SMURF1: variants seen among roughly 807,000 people sequenced by gnomAD.
SMURF1 encodes E3 ubiquitin-protein ligase SMURF1.
A neutral mutation model predicts 98.0 loss-of-function variants in SMURF1; 44 were observed. The ratio of observed to expected loss-of-function variants is 0.45; its 90% CI spans 0.35 to 0.58. The LOEUF (loss-of-function observed/expected upper bound fraction) is 0.58. SMURF1 is among the 20% of genes least tolerant of loss of function. The pLI, the probability that SMURF1 is intolerant of heterozygous loss-of-function variation, is 0.00. For missense variants in SMURF1, 687 were observed against 938.4 expected, an observed-to-expected ratio of 0.73 and a Z score of 3.50; for synonymous variants, 396 against 374.9, an observed-to-expected ratio of 1.06 and a Z score of -0.65.
At chr7:99,033,162 A>G in intron 16 of SMURF1, 41 bp from the exon 17 acceptor site, 1 of 1,545,532 alleles carries the variant, frequency 6.5e-7, no homozygotes, top group East Asian at 2.4e-5. Flanking sequence ...TCAGAGTTAC[A>G]GCCGTGGCGC....
chr7:99,032,863 T>TTCAAC (rs1794962039), intron 17 of SMURF1, 174 bp downstream of exon 17: 1 of 892,732 alleles, frequency 1.1e-6, no homozygotes, highest in Admixed American at 2.3e-5. Context: ...AGAATTGTCA[T>TTCAAC]TCAACTCTAG....
intron 10 of SMURF1, among the ~76,000 whole-genome samples, chr7:99,047,370 G>C (rs1230241918): frequency 6.6e-6 from 1 of 152,188 alleles, no homozygotes; most frequent in Admixed American, 6.5e-5. Flanking sequence ...TTTAGTGCTA[G>C]TTTCTGTATA....
chr7:99,120,996 C>T (rs995968770), intron 1 of SMURF1: 1 of 151,170 alleles, frequency 6.6e-6, no homozygotes, highest in Non-Finnish European at 1.5e-5. Flanking sequence ...ATTTTCTTTA[C>T]AAGATTTCTA....
At chr7:99,106,584 C>A (rs774876036) in intron 1 of SMURF1, among the ~76,000 whole-genome samples, 6 of 152,186 alleles carry the variant, frequency 3.9e-5, no homozygotes, top group Non-Finnish European at 7.3e-5. Flanking sequence ...GTGCTAACTG[C>A]AAGCAAGTCA....
chr7:99,072,396 C>T (rs1453167456), intron 1 of SMURF1, among the ~76,000 whole-genome samples: 2 of 151,938 alleles, frequency 1.3e-5, no homozygotes, highest in African/African-American at 4.8e-5. Context: ...GGCTCACCAG[C>T]ACTTTGGGAG....
intron 1 of SMURF1, among the ~76,000 whole-genome samples, chr7:99,062,179 C>T (rs1360813696): frequency 1.0e-5 from 1 of 100,462 alleles, no homozygotes; most frequent in Non-Finnish European, 2.6e-5. Context: ...ATTGCAGCCT[C>T]GAACTCCTGG....
chr7:99,104,993 G>A (rs1275071510), intron 1 of SMURF1, among the ~76,000 whole-genome samples: 2 of 152,178 alleles, frequency 1.3e-5, no homozygotes, highest in African/African-American at 4.8e-5. Flanking sequence ...AAGCCTAAAT[G>A]AGCCAAAGTC....
chr7:99,035,272 A>C, intron 16 of SMURF1: 1 of 553,042 alleles, frequency 1.8e-6, no homozygotes, highest in Non-Finnish European at 3.2e-6. Context: ...AGCAGTGAGG[A>C]GGGGGAATCC....
Position 99,034,010 on chromosome 7 carries a change from C to T in SMURF1, c.2012-889G>A, listed in dbSNP as rs959576198. Among the ~76,000 whole-genome samples, 8 of 152,328 alleles carry T rather than the reference C, an allele frequency of 5.3e-5. No individual in the cohort carries two copies. The East Asian group carries it at 1.2e-3, about 22-fold the overall frequency. ...CAAGGTCAGTGGCAGGACAGGACTC[C>T]GGGAGCAATGAGGACCAGCAGAGAC... On this transcript the variant is annotated intron_variant, in intron 16 of 17. Transcript: ENST00000361368.
At chr7:99,032,086 C>T (rs1213156987) in intron 17 of SMURF1, among the ~76,000 whole-genome samples, 1 of 152,108 alleles carries the variant, frequency 6.6e-6, no homozygotes, top group Non-Finnish European at 1.5e-5. Context: ...AAGTGAAGCC[C>T]AATACATCCA....
chr7:99,072,887 A>G lies in SMURF1; in HGVS notation c.56-11050T>C, dbSNP rs558515724. Among the ~76,000 whole-genome samples, 87 of 152,318 alleles carry G rather than the reference A, an allele frequency of 5.7e-4. 1 individual carries two copies. The highest frequency in any genetic ancestry group is 2.0e-3 in the African/African-American group (85 of 41,586). On this transcript the variant is annotated intron_variant, in intron 1 of 17. Transcript: ENST00000361368. ...CATTATAATTATTTGGCTAATCATT[A>G]TTCACATCACAGTATAAATCAGGGT...
intron 1 of SMURF1, among the ~76,000 whole-genome samples, chr7:99,062,310 G>A (rs1305682977): frequency 1.3e-5 from 2 of 151,942 alleles, no homozygotes; most frequent in African/African-American, 2.4e-5. Context: ...CCAGCCTACC[G>A]ATATTCTCTT....
chr7:99,030,856 A>T (rs1460807709), intron 17 of SMURF1, 173 bp from the exon 18 acceptor site: 6 of 534,544 alleles, frequency 1.1e-5, no homozygotes, highest in Non-Finnish European at 1.7e-5. Flanking sequence ...TAATACAAAG[A>T]TTTGTAATTT....
intron 1 of SMURF1, among the ~76,000 whole-genome samples, chr7:99,132,365 A>G (rs1453912146): frequency 2.0e-5 from 3 of 152,302 alleles, no homozygotes; most frequent in Middle Eastern, 3.4e-3. Context: ...GCAGGTGCCA[A>G]GCAGTGTTGA....
chr7:99,088,088 C>A (rs1796723843), intron 1 of SMURF1, among the ~76,000 whole-genome samples: 1 of 151,848 alleles, frequency 6.6e-6, no homozygotes, highest in Non-Finnish European at 1.5e-5. Flanking sequence ...AAAACCCCAT[C>A]TCAACTAAAA....
intron 1 of SMURF1, among the ~76,000 whole-genome samples, chr7:99,075,634 A>G (rs1039554064): frequency 2.4e-4 from 35 of 147,976 alleles, no homozygotes; most frequent in African/African-American, 7.0e-4. Flanking sequence ...GATGTGGGGA[A>G]AAAAAAAAAA....
In SMURF1 at chr7:99,051,358, T is replaced by G. The variant is rs1264172867; in HGVS notation, c.805A>C (p.Arg269=). 2 of 1,613,762 alleles carry G rather than the reference T, an allele frequency of 1.2e-6. No homozygotes were observed. The highest frequency in any genetic ancestry group is 2.2e-5 in the South Asian group (2 of 91,070). The part of the protein sequence containing the change: ...VSTWHDPRIP[R]DLNSVNCDEL... ...GGGTGTCCATTTCAGGAGGCTTACC[T>G]TGGTATCCTGGGGTCGTGCCACGTG... The change falls in exon 8 of 18, where the codon AGA becomes CGA. Residue 269 remains arginine (R), a splice_region_variant and synonymous_variant. Coordinates refer to ENST00000361368, the MANE Select transcript of SMURF1 (RefSeq NM_181349.3).
rs1291897986 is a variant in SMURF1, at chr7:99,030,329, G to C, written c.*255C>G. On this transcript the variant is annotated 3_prime_UTR_variant, in exon 18 of 18. Coordinates refer to ENST00000361368, the MANE Select transcript of SMURF1 (RefSeq NM_181349.3). ...ATATCCTGTGTGACCAAAGCCAAAG[G>C]CTAAACCTGGCTGCATTTTATTGGA... 3 of 486,458 alleles carry C rather than the reference G, an allele frequency of 6.2e-6. No homozygotes were observed. Among genetic ancestry groups the C allele is most frequent in the African/African-American group, 1.9e-5 (1 of 51,354 alleles). 30.1% of individuals were successfully genotyped at this position (486,458 alleles called of 1,614,324 possible).
At position 99,137,652 on chromosome 7, in the gene SMURF1, C is replaced by T. The variant is rs148833442; in HGVS notation, c.55+6074G>A. 5.4e-3 allele frequency among the ~76,000 whole-genome samples: 830 copies of T among 152,356 alleles called. 7 individuals are homozygous for T. The highest frequency in any genetic ancestry group is 0.019 in the African/African-American group (782 of 41,586). ...GGATAGGTTCCTGCTCAGTGATAAACGATGTTGCCGACATTCCTCAGCCAA... is the reference window on the plus strand; with the variant it reads ...GGATAGGTTCCTGCTCAGTGATAAATGATGTTGCCGACATTCCTCAGCCAA... On this transcript the variant is annotated intron_variant, in intron 1 of 17. Coordinates refer to ENST00000361368, the MANE Select transcript of SMURF1 (RefSeq NM_181349.3).
Sources: allele counts gnomAD v4.1 joint callset (sites outside exome capture counted in the v4.1 genomes callset), GRCh38; gene constraint gnomAD v4.1.1; transcripts MANE v1.5; gene names NCBI Gene and HGNC (gene_info 2026-07-23, HGNC 2026-07-21).